The following RELN variants were observed in gnomAD, a reference collection of about 807,000 sequenced individuals.
The protein encoded by RELN is reelin.
Under a neutral mutation model 427.6 loss-of-function variants are expected in RELN, and 108 were observed. That is an observed-to-expected ratio of 0.25 (90% CI 0.22 to 0.30). RELN has a LOEUF of 0.30. Among genes scored for constraint, RELN ranks in the 10% least tolerant of loss-of-function variants. The pLI is 1.00. For missense variants in RELN, 3,715 were observed against 4,302.8 expected, an observed-to-expected ratio of 0.86 and a Z score of 3.82; for synonymous variants, 1,524 against 1,513.4, an observed-to-expected ratio of 1.01 and a Z score of -0.16.
rs1358691061 is a variant in RELN at position 103,988,819 on chromosome 7, TA to T, written c.226+311del. ...AGAAACAAAATGCGCAGGTTCAATTTAAAGTGCCTGCGGTAAGTACGGGGAG... is the reference window on the plus strand; with the variant it reads ...AGAAACAAAATGCGCAGGTTCAATTTAAGTGCCTGCGGTAAGTACGGGGAG... On this transcript the variant is annotated intron_variant, in intron 1 of 64. Transcript: ENST00000428762. The surrounding 1 kb of genome is among the most constrained non-coding windows in gnomAD (Gnocchi z 4.9). Among the ~76,000 whole-genome samples, 2 of 152,138 alleles carry T rather than the reference TA, an allele frequency of 1.3e-5. No homozygotes were observed. The highest frequency in any genetic ancestry group is 4.8e-5 in the African/African-American group (2 of 41,430).
intron 2 of RELN, among the ~76,000 whole-genome samples, chr7:103,869,586 C>G (rs1216533982): frequency 1.3e-5 from 2 of 152,036 alleles, no homozygotes; most frequent in Admixed American, 1.3e-4. Flanking sequence ...ATAGTGTCAC[C>G]AAGTGTCCTG....
chr7:103,671,626 AGT>A (rs1436842922), intron 11 of RELN, among the ~76,000 whole-genome samples: 2 of 152,076 alleles, frequency 1.3e-5, no homozygotes, highest in Non-Finnish European at 2.9e-5. Flanking sequence ...AATTATAATG[AGT>A]GTTTTTACTT....
chr7:103,765,051 T>C (rs1308327736), intron 4 of RELN, among the ~76,000 whole-genome samples: 1 of 151,476 alleles, frequency 6.6e-6, no homozygotes, highest in South Asian at 2.1e-4. Flanking sequence ...ATGGCAGGGT[T>C]AGGACGAAAG....
intron 2 of RELN, among the ~76,000 whole-genome samples, chr7:103,844,202 C>T (rs779864090): frequency 6.6e-6 from 1 of 152,156 alleles, no homozygotes; most frequent in African/African-American, 2.4e-5. Flanking sequence ...CTCAACAAAG[C>T]TTTCTTTAAA....
chr7:103,778,455 T>C (rs1437805330), intron 3 of RELN, among the ~76,000 whole-genome samples: 1 of 152,240 alleles, frequency 6.6e-6, no homozygotes, highest in East Asian at 1.9e-4. Flanking sequence ...TCTAAGTATA[T>C]AATATTCCTA....
chr7:103,521,346 A>G (rs1284342758), intron 48 of RELN, among the ~76,000 whole-genome samples: 1 of 152,246 alleles, frequency 6.6e-6, no homozygotes, highest in Non-Finnish European at 1.5e-5. Context: ...TATTTTAAAC[A>G]GAGTCGCCTT....
intron 2 of RELN, among the ~76,000 whole-genome samples, chr7:103,878,259 T>G (rs772253894): frequency 3.1e-4 from 47 of 152,160 alleles, no homozygotes; most frequent in Non-Finnish European, 4.6e-4. Context: ...TCTGCCCCTC[T>G]TCTATCCTCC....
intron 3 of RELN, among the ~76,000 whole-genome samples, chr7:103,809,450 C>G (rs1454114361): frequency 6.9e-6 from 1 of 145,752 alleles, no homozygotes; most frequent in African/African-American, 2.4e-5. Flanking sequence ...GCCTCGCGAG[C>G]AGCCAGCCAC....
intron 28 of RELN, among the ~76,000 whole-genome samples, chr7:103,576,808 C>A (rs1210170202): frequency 6.6e-6 from 1 of 152,216 alleles, no homozygotes; most frequent in Non-Finnish European, 1.5e-5. Context: ...TACTTCAAAA[C>A]CCTGGAACAC....
intron 30 of RELN, 29 bp downstream of exon 30, chr7:103,574,063 G>A (rs1178172857): frequency 6.5e-7 from 1 of 1,542,038 alleles, no homozygotes; most frequent in East Asian, 2.2e-5. Context: ...ATATGTTTGT[G>A]AAAAAGTATA....
chr7:103,825,002 G>C (rs1159587524), intron 3 of RELN, among the ~76,000 whole-genome samples: 1 of 151,910 alleles, frequency 6.6e-6, no homozygotes, highest in Non-Finnish European at 1.5e-5. Context: ...TTCTAGGAGA[G>C]TAAAGGAACT....
In RELN at chr7:103,661,221, G is replaced by A. The variant is rs74326881; in HGVS notation, c.1441+155C>T. On this transcript the variant is annotated intron_variant, in intron 12 of 64. Coordinates refer to ENST00000428762, the MANE Select transcript of RELN (RefSeq NM_005045.4). ...CTCCAGCGGGGCTGGCCTGAAACAC[G>A]GGGGAGTACCACAGGCTTCTGCTCT... Among the ~76,000 whole-genome samples, 3,093 of 152,178 alleles carry A rather than the reference G, an allele frequency of 0.02. 53 individuals carry two copies. The highest frequency in any genetic ancestry group is 0.031 in the Non-Finnish European group (2,077 of 68,008).
intron 6 of RELN, among the ~76,000 whole-genome samples, chr7:103,740,608 TTCC>T (rs1450887546): frequency 6.6e-6 from 1 of 152,236 alleles, no homozygotes; most frequent in African/African-American, 2.4e-5. Flanking sequence ...TCATTTTATG[TTCC>T]TCATTTTTTA....
intron 3 of RELN, among the ~76,000 whole-genome samples, chr7:103,811,507 T>C (rs1226268738): frequency 3.3e-5 from 5 of 152,200 alleles, no homozygotes; most frequent in Non-Finnish European, 1.5e-5. Context: ...TGTGAATTCA[T>C]TTAATGATAT....
intron 10 of RELN, among the ~76,000 whole-genome samples, chr7:103,693,829 ATCTT>A (rs947435473): frequency 5.3e-5 from 8 of 152,118 alleles, no homozygotes; most frequent in African/African-American, 1.9e-4. Flanking sequence ...CTGTTGATTT[ATCTT>A]TCTTTATTGT....
At chr7:103,528,479 T>C (rs1481138319) in intron 46 of RELN, among the ~76,000 whole-genome samples, 1 of 99,534 alleles carries the variant, frequency 1.0e-5, no homozygotes, top group East Asian at 2.4e-4. Flanking sequence ...TCAACAACCC[T>C]GTGGGTTTTT....
chr7:103,741,005 G>A (rs919611614), intron 6 of RELN, among the ~76,000 whole-genome samples: 49 of 152,138 alleles, frequency 3.2e-4, no homozygotes, highest in Non-Finnish European at 2.9e-4. Flanking sequence ...AGTGGCATAG[G>A]GACCATGTTT....
chr7:103,552,073 A>G (rs1830425378), intron 40 of RELN, among the ~76,000 whole-genome samples: 1 of 152,032 alleles, frequency 6.6e-6, no homozygotes, highest in Non-Finnish European at 1.5e-5. Context: ...CATAACTGCA[A>G]GCTTGTCTCC....
chr7:103,908,870 G>C (rs1373918532), intron 2 of RELN, among the ~76,000 whole-genome samples: 1 of 140,590 alleles, frequency 7.1e-6, no homozygotes, highest in African/African-American at 2.9e-5. Flanking sequence ...TCTGCTCTTT[G>C]TACATTGGCT....
Sources: gnomAD v4.1 joint callset for allele counts (sites outside exome capture counted in the v4.1 genomes callset) on GRCh38, gnomAD v4.1.1 for gene constraint, Gnocchi (gnomAD v3.1) non-coding constraint, MANE v1.5 for transcripts, NCBI Gene and HGNC (gene_info 2026-07-23, HGNC 2026-07-21) for gene names.